The following LINGO2 variants were observed in gnomAD, a reference collection of about 807,000 sequenced individuals.
LINGO2 encodes leucine-rich repeat and immunoglobulin-like domain-containing nogo receptor-interacting protein 2.
In LINGO2, 14 loss-of-function variants were observed where a neutral mutation model predicts 30.6. The ratio of observed to expected loss-of-function variants is 0.46; its 90% CI spans 0.30 to 0.72. The LOEUF (loss-of-function observed/expected upper bound fraction) is 0.72, where lower values mean the gene tolerates loss of function less well. Ranked by LOEUF, LINGO2 falls within the 30% of genes least tolerant of loss-of-function variation. The pLI is 0.07. For missense variants in LINGO2, 729 were observed against 751.7 expected, an observed-to-expected ratio of 0.97 and a Z score of 0.35; for synonymous variants, 317 against 288.5, an observed-to-expected ratio of 1.10 and a Z score of -1.00.
At chr9:28,338,395 G>A (rs751636714) in intron 3 of LINGO2, among the ~76,000 whole-genome samples, 3 of 152,110 alleles carry the variant, frequency 2.0e-5, no homozygotes, top group Non-Finnish European at 4.4e-5. Context: ...GATTTTCCTT[G>A]TCTCAGATGA....
At chr9:28,995,527 C>T in the LINGO2 span, among the ~76,000 whole-genome samples, 1 of 152,054 alleles carries the variant, frequency 6.6e-6, no homozygotes, top group African/African-American at 2.4e-5. Flanking sequence ...TGGGTATATA[C>T]CCAAAGGACT....
chr9:28,433,939 CTCTCTCTCTCTA>C (rs1423118298), intron 2 of LINGO2, among the ~76,000 whole-genome samples: 2 of 50,002 alleles, frequency 4.0e-5, no homozygotes, highest in East Asian at 6.0e-4. Flanking sequence ...CTCTCTCTCT[CTCTCTCTCTCTA>C]TATATATATA....
intron 2 of LINGO2, among the ~76,000 whole-genome samples, chr9:28,475,667 A>G (rs1825703648): frequency 1.3e-5 from 2 of 152,144 alleles, no homozygotes; most frequent in South Asian, 4.1e-4. Context: ...AACAACAATA[A>G]TCTCCATTTT....
chr9:28,658,127 A>T (rs908175053), intron 1 of LINGO2, among the ~76,000 whole-genome samples: 11 of 152,030 alleles, frequency 7.2e-5, no homozygotes, highest in African/African-American at 2.4e-4. Flanking sequence ...TATGATTTTA[A>T]TCATTCTAAA....
chr9:28,315,446 G>C (rs775254879), intron 3 of LINGO2, among the ~76,000 whole-genome samples: 5 of 151,854 alleles, frequency 3.3e-5, no homozygotes, highest in African/African-American at 4.8e-5. Context: ...CTGATGTGGA[G>C]TGACTTTCCA....
intron 2 of LINGO2, among the ~76,000 whole-genome samples, chr9:28,400,556 A>C (rs1190716273): frequency 6.6e-6 from 1 of 152,228 alleles, no homozygotes; most frequent in Non-Finnish European, 1.5e-5. Flanking sequence ...GAATAACATG[A>C]CTAAGGGATG....
Position 28,482,222 on chromosome 9 carries a change from T to A in LINGO2, c.-364-6197A>T, listed in dbSNP as rs562112195. On this transcript the variant is annotated intron_variant, in intron 1 of 5. Transcript: ENST00000379992. ...ACACTGACTTCCACAATGGTTGAAC[T>A]AGTTTACAGTCCCACCAACAGTGTA... Among the ~76,000 whole-genome samples, 473 of 152,022 alleles carry A rather than the reference T, an allele frequency of 3.1e-3. 1 individual carries two copies. The highest frequency in any genetic ancestry group is 5.7e-3 in the Non-Finnish European group (384 of 67,918).
At chr9:28,635,664 A>G (rs1325622618) in intron 1 of LINGO2, among the ~76,000 whole-genome samples, 1 of 152,142 alleles carries the variant, frequency 6.6e-6, no homozygotes, top group Non-Finnish European at 1.5e-5. Flanking sequence ...TTGGGTTTAA[A>G]AGTCATAAGT....
chr9:29,106,605 T>C, the LINGO2 span, among the ~76,000 whole-genome samples: 1 of 152,180 alleles, frequency 6.6e-6, no homozygotes, highest in African/African-American at 2.4e-5. Flanking sequence ...ATGTATTTGC[T>C]AGCTGACTGA....
At chr9:28,132,074 T>C (rs1298135169) in intron 4 of LINGO2, among the ~76,000 whole-genome samples, 3 of 152,208 alleles carry the variant, frequency 2.0e-5, no homozygotes, top group Non-Finnish European at 4.4e-5. Context: ...AGTATAATTA[T>C]ACTTGTGCCA....
chr9:28,819,845 C>A, the LINGO2 span, among the ~76,000 whole-genome samples: 1 of 152,122 alleles, frequency 6.6e-6, no homozygotes, highest in African/African-American at 2.4e-5. Flanking sequence ...AACCACATAT[C>A]CCATTTATTG....
chr9:29,173,601 G>A, the LINGO2 span, among the ~76,000 whole-genome samples: 6 of 151,948 alleles, frequency 3.9e-5, no homozygotes, highest in Admixed American at 3.9e-4. Context: ...ATGTCTCTTC[G>A]TCTTAAATAT....
intron 1 of LINGO2, among the ~76,000 whole-genome samples, chr9:28,591,461 C>T (rs957108154): frequency 6.6e-6 from 1 of 151,898 alleles, no homozygotes; most frequent in African/African-American, 2.4e-5. Context: ...TGAGACTAGA[C>T]CCCAAGAGAA....
At chr9:28,312,786 A>G (rs1256225315) in intron 3 of LINGO2, among the ~76,000 whole-genome samples, 1 of 152,212 alleles carries the variant, frequency 6.6e-6, no homozygotes, top group Non-Finnish European at 1.5e-5. Context: ...TTCCATTTAA[A>G]ATAATCATTT....
chr9:27,945,824 G>T (rs933982097), downstream of LINGO2, among the ~76,000 whole-genome samples: 2 of 152,086 alleles, frequency 1.3e-5, no homozygotes, highest in Non-Finnish European at 2.9e-5. Flanking sequence ...CTCAGATAGT[G>T]AGAGTGTAGA....
intron 3 of LINGO2, among the ~76,000 whole-genome samples, chr9:28,322,466 C>G (rs1825080506): frequency 1.1e-5 from 1 of 87,694 alleles, no homozygotes; most frequent in Non-Finnish European, 2.7e-5. Context: ...CACACACACA[C>G]ACACACACAC....
chr9:28,400,770 CA>C (rs2134742342), intron 2 of LINGO2, among the ~76,000 whole-genome samples: 1 of 152,088 alleles, frequency 6.6e-6, no homozygotes, highest in East Asian at 1.9e-4. Flanking sequence ...AAAACATTAA[CA>C]AAAGATGAAA....
the LINGO2 span, among the ~76,000 whole-genome samples, chr9:29,010,576 A>G: frequency 0.87 from 132,749 of 152,076 alleles, 58,571 homozygotes; most frequent in Non-Finnish European, 0.93. Flanking sequence ...AAAACAGGTA[A>G]AGTTTTGTGC....
intron 5 of LINGO2, among the ~76,000 whole-genome samples, chr9:27,990,091 C>T (rs7038722): frequency 0.038 from 5,744 of 152,084 alleles, 347 homozygotes; most frequent in African/African-American, 0.13. Flanking sequence ...AAATCACTCT[C>T]CTTCAGCAAA....
Sources: gnomAD v4.1 joint callset for allele counts (sites outside exome capture counted in the v4.1 genomes callset) on GRCh38, gnomAD v4.1.1 for gene constraint, MANE v1.5 for transcripts, NCBI Gene and HGNC (gene_info 2026-07-23, HGNC 2026-07-21) for gene names.